LRBA: variants seen among roughly 807,000 people sequenced by gnomAD.
The protein encoded by LRBA is lipopolysaccharide-responsive and beige-like anchor protein.
Under a neutral mutation model 330.0 loss-of-function variants are expected in LRBA, and 176 were observed. The observed-to-expected ratio is 0.53, with a 90% CI of 0.47 to 0.60. The LOEUF (loss-of-function observed/expected upper bound fraction) is 0.60. LRBA is among the 20% of genes least tolerant of loss of function. LRBA has a pLI of 0.00. For synonymous variants in LRBA, 1,230 were observed against 1,193.0 expected, an observed-to-expected ratio of 1.03 and a Z score of -0.64; for missense variants, 3,259 against 3,444.8, an observed-to-expected ratio of 0.95 and a Z score of 1.35.
chr4:150,551,831 T>TAC (rs1298476767), intron 40 of LRBA, among the ~76,000 whole-genome samples: 3 of 152,182 alleles, frequency 2.0e-5, no homozygotes, highest in Admixed American at 6.5e-5. Context: ...ATATATTTTT[T>TAC]ACACACACAC....
chr4:150,288,790 G>GTTTT (rs1748487701), intron 53 of LRBA, among the ~76,000 whole-genome samples: 1 of 125,194 alleles, frequency 8.0e-6, no homozygotes, highest in African/African-American at 2.9e-5. Context: ...TGGTGTGATT[G>GTTTT]TTCTTTTTTT....
chr4:150,903,523 G>A (rs1325609037), intron 13 of LRBA, among the ~76,000 whole-genome samples: 1 of 152,098 alleles, frequency 6.6e-6, no homozygotes, highest in African/African-American at 2.4e-5. Context: ...TAGATCACTT[G>A]AGCCCAGGAG....
intron 37 of LRBA, among the ~76,000 whole-genome samples, chr4:150,609,524 A>G (rs1775013053): frequency 6.6e-6 from 1 of 152,214 alleles, no homozygotes; most frequent in Non-Finnish European, 1.5e-5. Flanking sequence ...AAGAGATATT[A>G]TACTTCTTCA....
chr4:150,362,533 C>T (rs1014357276), intron 47 of LRBA, among the ~76,000 whole-genome samples: 26 of 152,152 alleles, frequency 1.7e-4, no homozygotes, highest in African/African-American at 6.0e-4. Context: ...CCAAAATTAG[C>T]TGGAGAACTT....
intron 22 of LRBA, among the ~76,000 whole-genome samples, chr4:150,867,156 T>G (rs72719657): frequency 3.5e-3 from 533 of 151,800 alleles, no homozygotes; most frequent in Non-Finnish European, 4.6e-3. Context: ...AAACCCAGTT[T>G]TTAGCTACCT....
At position 150,634,916 on chromosome 4, in the gene LRBA, C is replaced by T. The variant is rs531823077; in HGVS notation, c.5922-35785G>A. Among the ~76,000 whole-genome samples the T allele has an allele frequency of 4.6e-5, 7 of 152,244 alleles. 1 individual carries two copies. In the South Asian group the frequency reaches 1.5e-3, roughly 32 times the overall value. ...GCACCACTGCCCCCTAGACCCAGGG[C>T]GTATATACCATAGAGAAAGAATGTG... On this transcript the variant is annotated intron_variant, in intron 37 of 56. Coordinates refer to ENST00000651943, the MANE Select transcript of LRBA (RefSeq NM_001364905.1).
At chr4:150,575,861 A>T (rs757306658) in intron 40 of LRBA, among the ~76,000 whole-genome samples, 1 of 151,970 alleles carries the variant, frequency 6.6e-6, no homozygotes, top group African/African-American at 2.4e-5. Context: ...AAGATATCAC[A>T]CCTTGAAACC....
chr4:150,761,891 T>C, intron 34 of LRBA, 44 bp from the exon 35 acceptor site: 6 of 971,494 alleles, frequency 6.2e-6, no homozygotes, highest in Non-Finnish European at 7.8e-6. Context: ...TGTCACTCAG[T>C]AGGTTCTTTC....
At chr4:150,753,476 T>C (rs1187362148) in intron 35 of LRBA, among the ~76,000 whole-genome samples, 1 of 152,202 alleles carries the variant, frequency 6.6e-6, no homozygotes, top group Non-Finnish European at 1.5e-5. Context: ...TCTATAATCA[T>C]TCTTATTTAA....
At chr4:150,608,402 A>T (rs1774892124) in intron 37 of LRBA, among the ~76,000 whole-genome samples, 1 of 152,238 alleles carries the variant, frequency 6.6e-6, no homozygotes, top group Non-Finnish European at 1.5e-5. Flanking sequence ...AGTAAAAGAA[A>T]CAGGGAAGTA....
Position 150,852,745 on chromosome 4 carries a change from C to T in LRBA, c.2965G>A (p.Gly989Ser). Residue 989 changes from glycine (G) to serine (S), a missense_variant, in exon 23 of 57, where the codon GGT becomes AGT. Physicochemically the swap from Gly to Ser is moderately conservative, Grantham distance 56. Coordinates refer to ENST00000651943, the MANE Select transcript of LRBA (RefSeq NM_001364905.1). ...SPVCPHFTTNGNENSSIEKTS... is the reference protein window; with the variant it reads ...SPVCPHFTTNSNENSSIEKTS... ...TTCTCTATACTTGAATTTTCATTAC[C>T]ATTTGTGGTGAAATGAGGACAGACA... 2 of 1,613,794 alleles carry T rather than the reference C, an allele frequency of 1.2e-6. No homozygotes were observed. The highest frequency in any genetic ancestry group is 8.5e-7 in the Non-Finnish European group (1 of 1,179,856).
At chr4:150,558,608 G>T (rs186439584) in intron 40 of LRBA, among the ~76,000 whole-genome samples, 9 of 152,142 alleles carry the variant, frequency 5.9e-5, no homozygotes, top group Admixed American at 1.3e-4. Flanking sequence ...ATTTCTCTGG[G>T]GAGTCCTGGG....
At chr4:150,807,955 C>T (rs1014273171) in intron 32 of LRBA, among the ~76,000 whole-genome samples, 2 of 152,084 alleles carry the variant, frequency 1.3e-5, no homozygotes, top group East Asian at 1.9e-4. Flanking sequence ...TGGCCTATAT[C>T]AGTATTTTAT....
chr4:150,305,598 G>A (rs374549693), intron 52 of LRBA, among the ~76,000 whole-genome samples: 6 of 152,080 alleles, frequency 3.9e-5, no homozygotes, highest in Non-Finnish European at 2.9e-5. Flanking sequence ...ATAGGGATGA[G>A]TATTATAAAA....
intron 48 of LRBA, among the ~76,000 whole-genome samples, chr4:150,346,757 C>CCAAAAAAAAAAAAAAAAAAAAAAAAA (rs1206950764): frequency 4.5e-5 from 3 of 66,136 alleles, no homozygotes; most frequent in African/African-American, 2.3e-4. Context: ...GACTCTGTCT[C>CCAAAAAAAAAAAAAAAAAAAAAAAAA]AAAAAAAAAA....
At chr4:150,571,659 T>TG (rs1188862435) in intron 40 of LRBA, among the ~76,000 whole-genome samples, 2 of 141,666 alleles carry the variant, frequency 1.4e-5, no homozygotes, top group South Asian at 2.2e-4. Flanking sequence ...GTTTTTTTTT[T>TG]TTTTTTTTTT....
At chr4:150,640,481 C>T (rs1415886641) in intron 37 of LRBA, among the ~76,000 whole-genome samples, 1 of 152,060 alleles carries the variant, frequency 6.6e-6, no homozygotes, top group African/African-American at 2.4e-5. Context: ...GTATAGAGCA[C>T]TGTTGATTAA....
At position 150,631,939 on chromosome 4, in the gene LRBA, G is replaced by A. The variant is rs186516114; in HGVS notation, c.5922-32808C>T. 4.7e-4 allele frequency among the ~76,000 whole-genome samples: 72 copies of A among 152,230 alleles called. No individual in the cohort carries two copies. The East Asian group carries it at 0.011, about 23-fold the overall frequency. ...GTTGATTTGAGATTCCTGTATAGAA[G>A]TGATGGTTGGGCTGGGCGTGGTGGC... On this transcript the variant is annotated intron_variant, in intron 37 of 56. Coordinates refer to ENST00000651943, the MANE Select transcript of LRBA (RefSeq NM_001364905.1).
In LRBA at chr4:150,678,065, C is replaced by A. The variant is rs562037590; in HGVS notation, c.5921+5486G>T. 2.0e-5 allele frequency among the ~76,000 whole-genome samples: 3 copies of A among 151,820 alleles called. No homozygotes were observed. The South Asian group carries it at 6.2e-4, about 32-fold the overall frequency. On this transcript the variant is annotated intron_variant, in intron 37 of 56. Transcript: ENST00000651943. ...GACCAGCCTGGCCAACATGGTGAAG[C>A]CCCATCTCTACTAAAAATACAAAAA...
Sources: gnomAD v4.1 joint callset for allele counts (sites outside exome capture counted in the v4.1 genomes callset) on GRCh38, gnomAD v4.1.1 for gene constraint, MANE v1.5 for transcripts, NCBI Gene and HGNC (gene_info 2026-07-23, HGNC 2026-07-21) for gene names.